Variants in KAT14 observed in about 807,000 individuals in gnomAD.
The protein encoded by KAT14 is cysteine-rich protein 2-binding protein.
Under a neutral mutation model 78.4 loss-of-function variants are expected in KAT14, and 66 were observed. The ratio of observed to expected loss-of-function variants is 0.84; its 90% CI spans 0.69 to 1.03. KAT14 has a LOEUF of 1.03. Among genes scored for constraint, KAT14 ranks in the 50% least tolerant of loss-of-function variants. KAT14 has a pLI of 0.00. For missense variants in KAT14, 870 were observed against 972.5 expected (o/e 0.89, Z 1.40); for synonymous variants, 344 against 359.4 (o/e 0.96, Z 0.48).
intron 1 of KAT14, among the ~76,000 whole-genome samples, chr20:18,141,079 A>G (rs1278455526): frequency 4.5e-5 from 5 of 111,318 alleles, no homozygotes; most frequent in Admixed American, 3.5e-4. Context: ...GGATTTTGCC[A>G]TGTTGCCCAG....
chr20:18,145,219 T>G lies in KAT14; in HGVS notation c.260-14T>G. 6.2e-7 allele frequency: 1 copy of G among 1,613,338 alleles called. No homozygotes were observed. Among genetic ancestry groups the G allele is most frequent in the Non-Finnish European group, 8.5e-7 (1 of 1,179,822 alleles). ...TAGATAAACCCATGATGTGACTTTT[T>G]GTTTTTCTCCTAGGTCAGCTGAGGG... On this transcript the variant is annotated splice_polypyrimidine_tract_variant and intron_variant, in intron 2 of 10. Transcript: ENST00000688188.
chr20:18,176,063 GGA>G (rs1483938767), intron 7 of KAT14, among the ~76,000 whole-genome samples: 1 of 151,056 alleles, frequency 6.6e-6, no homozygotes, highest in Non-Finnish European at 1.5e-5. Flanking sequence ...CCACACTTTG[GGA>G]GGCTGAGGTG....
At chr20:18,179,047 G>A (rs1031496333) in intron 7 of KAT14, among the ~76,000 whole-genome samples, 1 of 152,184 alleles carries the variant, frequency 6.6e-6, no homozygotes, top group Non-Finnish European at 1.5e-5. Context: ...TTCCAGCAGG[G>A]CAAATTCTAA....
At chr20:18,151,355 C>T (rs2038032857) in intron 4 of KAT14, among the ~76,000 whole-genome samples, 2 of 152,012 alleles carry the variant, frequency 1.3e-5, no homozygotes, top group African/African-American at 4.8e-5. Flanking sequence ...TGCCACTATG[C>T]CCAGCTAATT....
intron 1 of KAT14, chr20:18,138,259 C>A (rs957086839): frequency 1.6e-6 from 2 of 1,234,698 alleles, no homozygotes; most frequent in Non-Finnish European, 2.0e-6. Context: ...CGTGTGCAGC[C>A]CGCAGATTCA....
intron 10 of KAT14, 135 bp downstream of exon 10, chr20:18,184,927 C>A: frequency 1.1e-6 from 1 of 920,154 alleles, no homozygotes; most frequent in Non-Finnish European, 1.5e-6. Flanking sequence ...GTGAAGAAAG[C>A]CAGTCATCAG....
In KAT14 at chr20:18,145,045, C is replaced by T. The variant is rs45553132; in HGVS notation, c.260-188C>T. 623 of 1,336,478 alleles carry T rather than the reference C, an allele frequency of 4.7e-4. 1 individual carries two copies. The highest frequency in any genetic ancestry group is 5.7e-4 in the Non-Finnish European group (591 of 1,040,342). The allele number at this position is 1,336,478 out of a possible 1,614,324, so 82.8% of individuals were successfully genotyped here. On this transcript the variant is annotated intron_variant, in intron 2 of 10. Coordinates refer to ENST00000688188, the MANE Select transcript of KAT14 (RefSeq NM_001392073.1). The stretch of plus-strand genomic sequence containing the variant: ...ACTGGATCCTACAGATCTTAGTGGG[C>T]GTATACTTGGTGTTAGAAGAATAGA...
intron 7 of KAT14, 119 bp downstream of exon 7, chr20:18,163,064 G>C: frequency 4.5e-6 from 6 of 1,320,840 alleles, no homozygotes; most frequent in Non-Finnish European, 6.1e-6. Context: ...TTTGGGAAGA[G>C]AAAAGTAAAG....
At chr20:18,141,023 A>ATTTT (rs67633205) in intron 1 of KAT14, among the ~76,000 whole-genome samples, 11,543 of 47,804 alleles carry the variant, frequency 0.24, 1,179 homozygotes, top group Non-Finnish European at 0.28. Flanking sequence ...ACTCCCTGCA[A>ATTTT]TTTTTTTTTT....
intron 3 of KAT14, among the ~76,000 whole-genome samples, chr20:18,149,485 C>T (rs1415373352): frequency 1.3e-5 from 2 of 152,132 alleles, no homozygotes; most frequent in African/African-American, 4.8e-5. Flanking sequence ...AGACTGTCTG[C>T]AAGTATTGCA....
Position 18,154,498 on chromosome 20 carries a change from A to G in KAT14, c.500+3556A>G, listed in dbSNP as rs545071217. 3.5e-3 allele frequency among the ~76,000 whole-genome samples: 536 copies of G among 152,260 alleles called. 3 individuals carry two copies. The highest frequency in any genetic ancestry group is 0.012 in the African/African-American group (513 of 41,546). ...CAGTATTAACCGCAGTCTACTGTCT[A>G]TGCCTTCCCTTGGAAACCACAAGCC... On this transcript the variant is annotated intron_variant, in intron 4 of 10. Transcript: ENST00000688188.
In KAT14 at chr20:18,162,773, C is replaced by A. The variant is rs41276418; in HGVS notation, c.1496C>A (p.Ala499Glu). ...RLKRKLIVRQ[A>E]KRDRGLPLFD... is the part of the protein sequence containing the mutation. ...AAACGCAAACTGATTGTCAGACAAGCGAAAAGGGATAGGGGATTACCACTT... is the reference window on the plus strand; with the variant it reads ...AAACGCAAACTGATTGTCAGACAAGAGAAAAGGGATAGGGGATTACCACTT... The change falls in exon 7 of 11, where the codon GCG (alanine) becomes GAG (glutamate). Residue 499 changes from alanine (A) to glutamate (E), a missense_variant. By Grantham distance (107) the Ala-to-Glu change is moderately radical. Coordinates refer to ENST00000688188, the MANE Select transcript of KAT14 (RefSeq NM_001392073.1). The A allele has an allele frequency of 6.2e-7, 1 of 1,614,114 alleles. No individual in the cohort carries two copies. Among genetic ancestry groups the A allele is most frequent in the East Asian group, 2.2e-5 (1 of 44,886 alleles).
chr20:18,166,624 G>T (rs1286867887), intron 7 of KAT14, among the ~76,000 whole-genome samples: 1 of 152,202 alleles, frequency 6.6e-6, no homozygotes, highest in Non-Finnish European at 1.5e-5. Flanking sequence ...TGCCCCTTGG[G>T]TCACACTTGT....
At chr20:18,155,805 A>G (rs1311732978) in intron 4 of KAT14, among the ~76,000 whole-genome samples, 4 of 152,208 alleles carry the variant, frequency 2.6e-5, no homozygotes, top group Admixed American at 2.6e-4. Context: ...GTAAAATTGT[A>G]CAATCGTTGT....
chr20:18,139,166 C>T (rs2037423347), intron 1 of KAT14, among the ~76,000 whole-genome samples: 1 of 152,070 alleles, frequency 6.6e-6, no homozygotes. Context: ...AGAATTTTGA[C>T]GAGGGGTTGA....
In KAT14 at chr20:18,187,334, G is replaced by C. The variant is rs538749857; in HGVS notation, c.2221G>C (p.Ala741Pro). Residue 741 changes from alanine to proline, a missense_variant, in exon 11 of 11, where the codon GCT becomes CCT. Transcript: ENST00000688188. The part of the protein sequence containing the change: ...VTLHVSASNP[A>P]MLLYQKFGFK... The stretch of plus-strand genomic sequence containing the variant: ...CCTTCACGTCTCAGCAAGCAACCCC[G>C]CTATGCTACTGTACCAGAAGTTTGG... 1 of 1,613,830 alleles carries C rather than the reference G, an allele frequency of 6.2e-7. No individual in the cohort carries two copies. The highest frequency in any genetic ancestry group is 1.1e-5 in the South Asian group (1 of 90,990).
Position 18,137,935 on chromosome 20 carries a change from G to A in KAT14, c.-570G>A, listed in dbSNP as rs748839467. On this transcript the variant is annotated 5_prime_UTR_variant, in exon 1 of 11. Transcript: ENST00000688188. ...CGCCTCGGGCGGGCGGGAGAGAGAGGCCGCGGCCGCCAGCGTGGGGATGTC... is the reference window on the plus strand; with the variant it reads ...CGCCTCGGGCGGGCGGGAGAGAGAGACCGCGGCCGCCAGCGTGGGGATGTC... The A allele has an allele frequency of 1.2e-5, 18 of 1,478,750 alleles. No individual in the cohort carries two copies. In the East Asian group the frequency reaches 1.4e-4, roughly 12 times the overall value. The allele number at this position is 1,478,750 out of a possible 1,614,324, so 91.6% of individuals were successfully genotyped here. A position where few individuals can be genotyped will look rare whatever the true frequency, so the allele number is the denominator to read the frequency against.
At chr20:18,140,838 C>CAAAAAAAAAAAAAAAAAAAAAA in intron 1 of KAT14, among the ~76,000 whole-genome samples, 1 of 109,696 alleles carries the variant, frequency 9.1e-6, no homozygotes, top group Admixed American at 9.1e-5. Context: ...AAAAAAAAAC[C>CAAAAAAAAAAAAAAAAAAAAAA]AATAAAACAA....
At chr20:18,137,827 C>A, upstream of KAT14, 1 of 984,734 alleles carries the variant, frequency 1.0e-6, no homozygotes, top group Non-Finnish European at 1.4e-6. Flanking sequence ...CGGCGAGCGG[C>A]GCACGCGACG....
Sources: allele counts gnomAD v4.1 joint callset (sites outside exome capture counted in the v4.1 genomes callset), GRCh38; gene constraint gnomAD v4.1.1; transcripts MANE v1.5; gene names NCBI Gene and HGNC (gene_info 2026-07-23, HGNC 2026-07-21).